The following ZNF37A variants were observed in gnomAD, a reference collection of about 807,000 sequenced individuals.
ZNF37A encodes the protein zinc finger protein 37A.
Under a neutral mutation model 12.3 loss-of-function variants are expected in ZNF37A, and 10 were observed. The observed-to-expected ratio is 0.82, with a 90% CI of 0.50 to 1.38. ZNF37A has a LOEUF of 1.38. Among genes scored for constraint, ZNF37A ranks in the 40% most tolerant of loss-of-function variants. The pLI is 0.00. For missense variants in ZNF37A, 580 were observed against 651.2 expected (o/e 0.89, Z 1.19); for synonymous variants, 207 against 223.0 (o/e 0.93, Z 0.64).
At chr10:38,127,909 A>G (rs1564384641), downstream of ZNF37A, among the ~76,000 whole-genome samples, 1 of 152,228 alleles carries the variant, frequency 6.6e-6, no homozygotes, top group Non-Finnish European at 1.5e-5. Context: ...AAGTTACCTG[A>G]AAAAAGTGAC....
At chr10:38,143,339 T>C (rs1242349324) in intron 7 of ZNF37A, 1 of 152,192 alleles carries the variant, frequency 6.6e-6, no homozygotes, top group Non-Finnish European at 1.5e-5. Context: ...TTTCAATAAA[T>C]ATTTAAGGGC....
intron 7 of ZNF37A, among the ~76,000 whole-genome samples, chr10:38,116,576 T>TG (rs1272972255): frequency 1.3e-5 from 2 of 152,190 alleles, no homozygotes; most frequent in Non-Finnish European, 2.9e-5. Flanking sequence ...AAGAATGGCT[T>TG]GGTTCTAATC....
intron 5 of ZNF37A, among the ~76,000 whole-genome samples, chr10:38,097,979 C>T (rs1212472608): frequency 1.3e-5 from 2 of 152,110 alleles, no homozygotes; most frequent in East Asian, 3.9e-4. Flanking sequence ...CTCCCTTTTT[C>T]CCCTCTGCTC....
chr10:38,113,350 T>C (rs1203722997), intron 5 of ZNF37A, among the ~76,000 whole-genome samples: 1 of 151,508 alleles, frequency 6.6e-6, no homozygotes, highest in African/African-American at 2.4e-5. Flanking sequence ...GTAGCTGGGA[T>C]TACAGGCGTC....
At chr10:38,096,313 C>T (rs2067151296) in intron 4 of ZNF37A, among the ~76,000 whole-genome samples, 2 of 152,136 alleles carry the variant, frequency 1.3e-5, no homozygotes, top group African/African-American at 2.4e-5. Flanking sequence ...TATTATGTTC[C>T]ACTCTTTGGC....
chr10:38,107,402 T>C (rs2068203913), intron 5 of ZNF37A, among the ~76,000 whole-genome samples: 1 of 152,070 alleles, frequency 6.6e-6, no homozygotes, highest in Non-Finnish European at 1.5e-5. Context: ...TGCAACAACA[T>C]ACCAAATTGT....
At chr10:38,126,292 C>T (rs147698516), downstream of ZNF37A, among the ~76,000 whole-genome samples, 1 of 152,200 alleles carries the variant, frequency 6.6e-6, no homozygotes, top group East Asian at 1.9e-4. Context: ...ACTAACTCCT[C>T]TTCCTTCTCT....
chr10:38,111,924 T>A (rs1267163592), intron 5 of ZNF37A, among the ~76,000 whole-genome samples: 3 of 151,740 alleles, frequency 2.0e-5, no homozygotes, highest in Non-Finnish European at 4.4e-5. Context: ...CTTTTTTTTT[T>A]TTTTGAGACG....
downstream of ZNF37A, among the ~76,000 whole-genome samples, chr10:38,128,846 C>T (rs1319351994): frequency 2.0e-5 from 3 of 152,256 alleles, no homozygotes; most frequent in Admixed American, 2.0e-4. Context: ...CTCCCCCTCC[C>T]GGGTTCAAGC....
chr10:38,096,571 C>G lies in ZNF37A; in HGVS notation c.-44-3C>G. ...TCACTCATGATCTTTTCTTATTTCT[C>G]AGCTACACCCTCACAGTTTGCTCTG... On this transcript the variant is annotated splice_polypyrimidine_tract_variant and splice_region_variant and intron_variant, in intron 4 of 7. Coordinates refer to ENST00000685332, the MANE Select transcript of ZNF37A (RefSeq NM_001324250.3). 1 of 1,597,586 alleles carries G rather than the reference C, an allele frequency of 6.3e-7. No individual in the cohort carries two copies. The highest frequency in any genetic ancestry group is 2.2e-5 in the East Asian group (1 of 44,622).
At chr10:38,095,277 C>T (rs1564905667) in intron 2 of ZNF37A, 53 bp downstream of exon 2, 1 of 152,370 alleles carries the variant, frequency 6.6e-6, no homozygotes, top group Non-Finnish European at 1.5e-5. Context: ...TAGGAGGACA[C>T]CCAACCCGTT....
chr10:38,148,817 T>A (rs2070288620), exon 8 of ZNF37A: 1 of 151,016 alleles, frequency 6.6e-6, no homozygotes. Context: ...ACTTTGCAAT[T>A]TTTTTAATGG....
intron 7 of ZNF37A, chr10:38,138,035 GAAAT>G (rs1388267532): frequency 6.6e-6 from 1 of 152,172 alleles, no homozygotes; most frequent in East Asian, 1.9e-4. Flanking sequence ...TTGGCATCCT[GAAAT>G]AAATAACTCT....
intron 7 of ZNF37A, chr10:38,115,777 A>C (rs1270515848): frequency 6.6e-6 from 1 of 152,268 alleles, no homozygotes; most frequent in East Asian, 1.9e-4. Flanking sequence ...GCCTGGGCCC[A>C]GTGGTTCATG....
chr10:38,120,410 CAGAG>C lies in ZNF37A; in HGVS notation c.*1579_*1582del, dbSNP rs1007986665. The C allele has an allele frequency of 6.8e-6, 1 of 147,764 alleles. No homozygotes were observed. Among genetic ancestry groups the C allele is most frequent in the African/African-American group, 2.5e-5 (1 of 39,744 alleles). The allele number at this position is 147,764 out of a possible 1,614,324, so 9.2% of individuals were successfully genotyped here. A position where few individuals can be genotyped will look rare whatever the true frequency, so the allele number is the denominator to read the frequency against. ...TGCCACTGCACTCCAGCCTGAGTGACAGAGAGAGATTCAAAAAACAAAAAAAAAG... is the reference window on the plus strand; with the variant it reads ...TGCCACTGCACTCCAGCCTGAGTGACAGAGATTCAAAAAACAAAAAAAAAG... On this transcript the variant is annotated 3_prime_UTR_variant, in exon 8 of 8. Transcript: ENST00000685332.
intron 7 of ZNF37A, chr10:38,141,741 A>T (rs2070186152): frequency 6.6e-6 from 1 of 152,164 alleles, no homozygotes; most frequent in Non-Finnish European, 1.5e-5. Context: ...GCATATTGAA[A>T]CCATCCACAC....
At chr10:38,129,319 A>AAAAAAAC, downstream of ZNF37A, among the ~76,000 whole-genome samples, 742 of 116,284 alleles carry the variant, frequency 6.4e-3, 60 homozygotes, top group African/African-American at 0.025. Flanking sequence ...AAAAAAAAAA[A>AAAAAAAC]AAACTATTAT....
downstream of ZNF37A, among the ~76,000 whole-genome samples, chr10:38,127,701 G>T (rs955890871): frequency 1.3e-5 from 2 of 152,128 alleles, no homozygotes; most frequent in Non-Finnish European, 2.9e-5. Context: ...TACCAAGCCT[G>T]CATCTACTTT....
At chr10:38,098,833 T>C (rs1420365856) in intron 5 of ZNF37A, among the ~76,000 whole-genome samples, 1 of 152,174 alleles carries the variant, frequency 6.6e-6, no homozygotes, top group Non-Finnish European at 1.5e-5. Context: ...AGCCTAAAAT[T>C]TTTTTGTTTA....
Sources: gnomAD v4.1 joint callset for allele counts (sites outside exome capture counted in the v4.1 genomes callset) on GRCh38, gnomAD v4.1.1 for gene constraint, MANE v1.5 for transcripts, NCBI Gene and HGNC (gene_info 2026-07-23, HGNC 2026-07-21) for gene names.